Variants in PAM observed in about 807,000 individuals in gnomAD.
PAM encodes peptidyl-glycine alpha-amidating monooxygenase.
PAM carries 72 observed loss-of-function variants against 122.1 expected under a neutral mutation model. The observed-to-expected ratio is 0.59, with a 90% CI of 0.49 to 0.72. The LOEUF is 0.72. PAM is among the 30% of genes least tolerant of loss of function. The pLI is 0.00. For synonymous variants in PAM, 389 were observed against 404.4 expected, an observed-to-expected ratio of 0.96 and a Z score of 0.46; for missense variants, 1,106 against 1,183.7, an observed-to-expected ratio of 0.93 and a Z score of 0.96.
Position 102,949,985 on chromosome 5 carries a change from A to G in PAM, c.801+7A>G, listed in dbSNP as rs1582065608. 6.8e-7 allele frequency: 1 copy of G among 1,460,324 alleles called. No homozygotes were observed. Among genetic ancestry groups the G allele is most frequent in the East Asian group, 2.3e-5 (1 of 44,042 alleles). The allele number at this position is 1,460,324 out of a possible 1,614,324, so 90.5% of individuals were successfully genotyped here. A position where few individuals can be genotyped will look rare whatever the true frequency, so the allele number is the denominator to read the frequency against. On this transcript the variant is annotated splice_region_variant and intron_variant, in intron 11 of 25. Coordinates refer to ENST00000438793, the MANE Select transcript of PAM (RefSeq NM_001177306.2). ...GAGCCCTCAGCTGCCACAGGTGGGT[A>G]AAATCTAGTTTAATTTTGAGAGAAA...
chr5:103,008,420 T>C (rs1335447711), intron 20 of PAM, among the ~76,000 whole-genome samples: 1 of 152,132 alleles, frequency 6.6e-6, no homozygotes. Flanking sequence ...CACATACTTA[T>C]GTTTTATGGT....
At chr5:103,001,287 A>T (rs1777295193) in intron 16 of PAM, among the ~76,000 whole-genome samples, 1 of 152,164 alleles carries the variant, frequency 6.6e-6, no homozygotes, top group South Asian at 2.1e-4. Flanking sequence ...TTGGTGTTTC[A>T]TACTAGCAAG....
At chr5:103,002,009 C>T (rs139363623) in intron 16 of PAM, among the ~76,000 whole-genome samples, 110 of 151,666 alleles carry the variant, frequency 7.3e-4, no homozygotes, top group African/African-American at 2.6e-3. Context: ...TTTATAAACA[C>T]ACACACATAC....
intron 1 of PAM, among the ~76,000 whole-genome samples, chr5:102,830,433 G>C (rs1775085480): frequency 6.6e-6 from 1 of 152,062 alleles, no homozygotes; most frequent in Non-Finnish European, 1.5e-5. Context: ...ATGTATTGTT[G>C]AGTACCTTCA....
chr5:102,861,122 C>T (rs1000221342), intron 1 of PAM, among the ~76,000 whole-genome samples: 1 of 152,142 alleles, frequency 6.6e-6, no homozygotes, highest in Non-Finnish European at 1.5e-5. Flanking sequence ...CACTAACTTC[C>T]CAGCCATGTG....
chr5:102,887,919 A>G (rs1021786822), intron 3 of PAM, among the ~76,000 whole-genome samples: 10 of 151,848 alleles, frequency 6.6e-5, no homozygotes, highest in Admixed American at 5.3e-4. Flanking sequence ...ACCACCTCCA[A>G]TTCCCCCTAT....
intron 16 of PAM, among the ~76,000 whole-genome samples, chr5:102,995,151 G>A (rs114786181): frequency 0.011 from 1,675 of 152,200 alleles, 23 homozygotes; most frequent in Middle Eastern, 0.02. Context: ...CAACTTCTGC[G>A]ATTTCTTTCC....
At chr5:102,880,266 G>T (rs1790541973) in intron 3 of PAM, among the ~76,000 whole-genome samples, 1 of 151,598 alleles carries the variant, frequency 6.6e-6, no homozygotes, top group African/African-American at 2.4e-5. Flanking sequence ...GGGCAACTGA[G>T]TGAGAATCTG....
In PAM at chr5:102,899,460, G is replaced by A. The variant is rs539517107; in HGVS notation, c.211-1896G>A. Among the ~76,000 whole-genome samples the A allele has an allele frequency of 1.6e-4, 25 of 151,542 alleles. No homozygotes were observed. In the South Asian group the frequency reaches 5.0e-3, roughly 30 times the overall value. ...ATAAAATCAAAGATAGAGTAAAATCGAAACCTGTTATTCCAAATTAAAAAG... is the reference window on the plus strand; with the variant it reads ...ATAAAATCAAAGATAGAGTAAAATCAAAACCTGTTATTCCAAATTAAAAAG... On this transcript the variant is annotated intron_variant, in intron 3 of 25. Coordinates refer to ENST00000438793, the MANE Select transcript of PAM (RefSeq NM_001177306.2).
chr5:103,025,099 G>A (rs770536729), intron 23 of PAM, 32 bp from the exon 24 acceptor site: 4 of 1,525,006 alleles, frequency 2.6e-6, no homozygotes, highest in Non-Finnish European at 3.6e-6. Flanking sequence ...CTTTGAGTCA[G>A]TTGAATATTG....
At chr5:102,776,201 ATTTC>A (rs1214692158) in intron 1 of PAM, among the ~76,000 whole-genome samples, 1 of 151,858 alleles carries the variant, frequency 6.6e-6, no homozygotes, top group Admixed American at 6.6e-5. Flanking sequence ...TTTCTTGTAA[ATTTC>A]TTTAAGTTCC....
intron 1 of PAM, among the ~76,000 whole-genome samples, chr5:102,830,579 G>T (rs1246150924): frequency 6.6e-6 from 1 of 152,136 alleles, no homozygotes; most frequent in African/African-American, 2.4e-5. Flanking sequence ...GAAGTTCTGG[G>T]TATTAAGCTG....
Position 102,974,157 on chromosome 5 carries a change from G to A in PAM, c.1204G>A (p.Glu402Lys), listed in dbSNP as rs749032375. ...SLLSKLLGER[E>K]DVVHVHKYNP... ...ACTTTCCAAGCTGCTAGGAGAAAGG[G>A]AAGATGTTGTTCATGTGCACAAATA... Residue 402 changes from glutamate to lysine, a missense_variant, in exon 15 of 26, where the codon GAA becomes AAA. This residue lies in a region of PAM where 670 missense variants were observed against 690.3 expected (regional missense o/e 0.97). Transcript: ENST00000438793. The A allele has an allele frequency of 2.5e-6, 4 of 1,613,884 alleles. No homozygotes were observed. The highest frequency in any genetic ancestry group is 2.5e-6 in the Non-Finnish European group (3 of 1,179,822).
intron 15 of PAM, among the ~76,000 whole-genome samples, chr5:102,987,979 C>A (rs1353444328): frequency 6.6e-6 from 1 of 152,082 alleles, no homozygotes; most frequent in Non-Finnish European, 1.5e-5. Flanking sequence ...TAATGTACCT[C>A]AAAATTTTCA....
At chr5:102,779,918 T>TATATATACACACACACAC (rs147065045) in intron 1 of PAM, among the ~76,000 whole-genome samples, 103 of 95,658 alleles carry the variant, frequency 1.1e-3, no homozygotes, top group African/African-American at 4.5e-3. Flanking sequence ...TATATATATA[T>TATATATACACACACACAC]ACACACATAT....
At chr5:102,894,729 G>A (rs1004165543) in intron 3 of PAM, among the ~76,000 whole-genome samples, 5 of 151,540 alleles carry the variant, frequency 3.3e-5, no homozygotes, top group Admixed American at 6.6e-5. Context: ...CTGGTCATCC[G>A]TGTTTTATGT....
intron 7 of PAM, among the ~76,000 whole-genome samples, chr5:102,931,546 A>G (rs918070174): frequency 2.0e-5 from 3 of 152,112 alleles, no homozygotes; most frequent in Non-Finnish European, 4.4e-5. Flanking sequence ...ATCTTAAGAA[A>G]GCTCTCCTCT....
intron 1 of PAM, among the ~76,000 whole-genome samples, chr5:102,801,930 C>T (rs887026898): frequency 2.3e-4 from 34 of 150,966 alleles, no homozygotes; most frequent in African/African-American, 7.3e-4. Flanking sequence ...AGGCGCCCGC[C>T]ACCACGCCCG....
At chr5:103,012,877 T>G (rs1417484637) in intron 21 of PAM, among the ~76,000 whole-genome samples, 1 of 137,456 alleles carries the variant, frequency 7.3e-6, no homozygotes, top group Non-Finnish European at 1.6e-5. Flanking sequence ...AAAAAATGAG[T>G]TCACTGTAGG....
Sources: gnomAD v4.1 joint callset for allele counts (sites outside exome capture counted in the v4.1 genomes callset) on GRCh38, gnomAD v4.1.1 for gene constraint, gnomAD v4.1.1 regional missense constraint, MANE v1.5 for transcripts, NCBI Gene and HGNC (gene_info 2026-07-23, HGNC 2026-07-21) for gene names.